The following MAK variants were observed in gnomAD, a reference collection of about 807,000 sequenced individuals.
The protein encoded by MAK is serine/threonine-protein kinase MAK.
Under a neutral mutation model 82.6 loss-of-function variants are expected in MAK, and 65 were observed. The ratio of observed to expected loss-of-function variants is 0.79; its 90% CI spans 0.64 to 0.97. MAK has a LOEUF of 0.97. Among genes scored for constraint, MAK ranks in the 50% least tolerant of loss-of-function variants. The pLI, the probability that MAK is intolerant of heterozygous loss-of-function variation, is 0.00. For synonymous variants in MAK, 250 were observed against 274.2 expected (o/e 0.91, Z 0.87); for missense variants, 703 against 780.2 (o/e 0.90, Z 1.18).
intron 9 of MAK, among the ~76,000 whole-genome samples, chr6:10,792,538 T>TGGAG (rs1181190881): frequency 4.6e-5 from 7 of 152,316 alleles, no homozygotes; most frequent in Admixed American, 3.9e-4. Flanking sequence ...TGTCACAGAA[T>TGGAG]GGAGGCATCA....
chr6:10,781,628 T>C (rs1300151914), intron 11 of MAK, among the ~76,000 whole-genome samples: 4 of 152,044 alleles, frequency 2.6e-5, no homozygotes, highest in African/African-American at 9.7e-5. Context: ...TTTGCCATGT[T>C]GGACAGGCTA....
intron 2 of MAK, among the ~76,000 whole-genome samples, chr6:10,828,359 C>T (rs977682844): frequency 1.3e-5 from 2 of 152,080 alleles, no homozygotes; most frequent in African/African-American, 4.8e-5. Context: ...AGGAAGGAGC[C>T]TCTGTAAAAG....
At chr6:10,801,834 T>C in intron 8 of MAK, 58 bp downstream of exon 8, 1 of 1,525,366 alleles carries the variant, frequency 6.6e-7, no homozygotes. Context: ...AATGAAAACA[T>C]CCCTGATATT....
At chr6:10,820,039 G>C (rs1005556675) in intron 2 of MAK, among the ~76,000 whole-genome samples, 1 of 151,916 alleles carries the variant, frequency 6.6e-6, no homozygotes, top group African/African-American at 2.4e-5. Flanking sequence ...GTGAACCCGG[G>C]AGGTGGAGCT....
At chr6:10,795,297 C>T (rs1025805208) in intron 9 of MAK, among the ~76,000 whole-genome samples, 4 of 151,840 alleles carry the variant, frequency 2.6e-5, no homozygotes, top group Non-Finnish European at 4.4e-5. Context: ...CAAAAATTAG[C>T]TGGGTGTGGT....
intron 11 of MAK, among the ~76,000 whole-genome samples, chr6:10,782,206 A>T (rs1467476618): frequency 0.019 from 7 of 378 alleles, no homozygotes; most frequent in African/African-American, 0.04. Flanking sequence ...ACTCTGTCAC[A>T]CACACACACA....
At chr6:10,836,201 C>T (rs1779139100) in intron 1 of MAK, among the ~76,000 whole-genome samples, 1 of 152,122 alleles carries the variant, frequency 6.6e-6, no homozygotes, top group African/African-American at 2.4e-5. Flanking sequence ...TTGAGGATTA[C>T]GGACGTGACA....
chr6:10,813,393 G>A (rs1193584990), intron 5 of MAK, among the ~76,000 whole-genome samples: 3 of 150,664 alleles, frequency 2.0e-5, no homozygotes, highest in African/African-American at 7.3e-5. Flanking sequence ...GACCTCAGGT[G>A]ATCCGCCTGC....
rs940717922 is a variant in MAK, at chr6:10,772,947, A to C, written c.1672+87T>G. ...TCAAAGCGGATCATCTCGGCCTTTT[A>C]TGTCAGGATTAGGGGCAAATGTTGA... On this transcript the variant is annotated intron_variant, in intron 13 of 14. Coordinates refer to ENST00000354489, the MANE Select transcript of MAK (RefSeq NM_001242957.3). 1.6e-5 allele frequency: 14 copies of C among 865,058 alleles called. No individual in the cohort carries two copies. The African/African-American group carries it at 2.3e-4, about 14-fold the overall frequency. 53.6% of individuals were successfully genotyped at this position (865,058 alleles called of 1,614,324 possible). A position where few individuals can be genotyped will look rare whatever the true frequency, so the allele number is the denominator to read the frequency against.
chr6:10,795,798 T>G (rs1163662124), intron 9 of MAK, among the ~76,000 whole-genome samples, 200 bp downstream of exon 9: 1 of 152,164 alleles, frequency 6.6e-6, no homozygotes, highest in Non-Finnish European at 1.5e-5. Flanking sequence ...CTTGGTTACT[T>G]TTATCCTGAA....
chr6:10,796,347 T>C, intron 8 of MAK, 38 bp from the exon 9 acceptor site: 1 of 1,535,430 alleles, frequency 6.5e-7, no homozygotes, highest in Non-Finnish European at 9.0e-7. Flanking sequence ...TGGAAAACAG[T>C]TCCACCTAAA....
intron 1 of MAK, among the ~76,000 whole-genome samples, chr6:10,833,606 A>AAAT (rs36209814): frequency 0.04 from 5,919 of 147,724 alleles, 148 homozygotes; most frequent in Admixed American, 0.074. Flanking sequence ...CTCTGTCTCA[A>AAAT]AATAATAATA....
intron 1 of MAK, 28 bp downstream of exon 1, chr6:10,838,475 G>GGATT (rs1466883035): frequency 6.6e-6 from 1 of 152,306 alleles, no homozygotes; most frequent in East Asian, 1.9e-4. Flanking sequence ...AGCCCGCTGG[G>GGATT]GATTACCTGT....
In MAK at chr6:10,824,748, T is replaced by C. The variant is rs573727921; in HGVS notation, c.101+5800A>G. On this transcript the variant is annotated intron_variant, in intron 2 of 14. Transcript: ENST00000354489. ...TTCTTAACAACTCAGTAACTCATCC[T>C]TCACAACTCTCCAAAGCTCCATGCC... is the stretch of plus-strand genomic sequence containing the variant. Among the ~76,000 whole-genome samples the C allele has an allele frequency of 5.9e-5, 9 of 152,304 alleles. No homozygotes were observed. In the South Asian group the frequency reaches 1.7e-3, roughly 28 times the overall value.
chr6:10,771,584 A>C (rs1466785155), intron 13 of MAK, among the ~76,000 whole-genome samples: 1 of 152,212 alleles, frequency 6.6e-6, no homozygotes, highest in African/African-American at 2.4e-5. Flanking sequence ...TTCAGTAAAC[A>C]GTGTTTTCTC....
chr6:10,806,269 G>C (rs1776438800), intron 6 of MAK, among the ~76,000 whole-genome samples: 1 of 151,392 alleles, frequency 6.6e-6, no homozygotes, highest in African/African-American at 2.4e-5. Context: ...CCACCTCCCG[G>C]GTTCAAGTGA....
chr6:10,790,805 T>G (rs1174173479), intron 10 of MAK, among the ~76,000 whole-genome samples: 1 of 152,154 alleles, frequency 6.6e-6, no homozygotes. Flanking sequence ...AGTTTTGAGG[T>G]GGGGCCTGGC....
At chr6:10,798,360 A>G (rs1461400273) in intron 8 of MAK, among the ~76,000 whole-genome samples, 1 of 151,924 alleles carries the variant, frequency 6.6e-6, no homozygotes, top group East Asian at 1.9e-4. Context: ...TGATCCGCCC[A>G]CCTTGGCCTC....
rs534358722 is a variant in MAK at position 10,807,570 on chromosome 6, G to A, written c.491+1240C>T. On this transcript the variant is annotated intron_variant, in intron 6 of 14. Transcript: ENST00000354489. ...TGGCCAGGCTGGTCTCGAACTCCTG[G>A]TCTCAAGTGATCCCCCACCTCGGCC... Among the ~76,000 whole-genome samples, 8 of 151,360 alleles carry A rather than the reference G, an allele frequency of 5.3e-5. No homozygotes were observed. In the South Asian group the frequency reaches 6.3e-4, roughly 12 times the overall value.
Sources: allele counts gnomAD v4.1 joint callset (sites outside exome capture counted in the v4.1 genomes callset), GRCh38; gene constraint gnomAD v4.1.1; transcripts MANE v1.5; gene names NCBI Gene and HGNC (gene_info 2026-07-23, HGNC 2026-07-21).